Variants in EXD3 observed in about 807,000 individuals in gnomAD.
EXD3 encodes the protein exonuclease 3'-5' domain containing 3.
In EXD3, 92 loss-of-function variants were observed where a neutral mutation model predicts 98.0. That is an observed-to-expected ratio of 0.94 (90% CI 0.79 to 1.12). The LOEUF (loss-of-function observed/expected upper bound fraction) is 1.12. Among genes scored for constraint, EXD3 ranks in the 50% most tolerant of loss-of-function variants. EXD3 has a pLI of 0.00. For synonymous variants in EXD3, 569 were observed against 526.0 expected (o/e 1.08, Z -1.12); for missense variants, 1,222 against 1,191.6 (o/e 1.03, Z -0.38).
rs536767816 is a variant in EXD3, at chr9:137,397,406, T to C, written c.-47-2002A>G. Among the ~76,000 whole-genome samples the C allele has an allele frequency of 4.0e-4, 61 of 152,268 alleles. 1 individual carries two copies. The highest frequency in any genetic ancestry group is 3.4e-3 in the Middle Eastern group (1 of 294). On this transcript the variant is annotated intron_variant, in intron 1 of 21. Transcript: ENST00000340951. ...AAGTTCAAGGGACTCAGCCAGAAGC[T>C]GAACAGCCCACCGGAGCGAAAAACA...
chr9:137,323,914 C>A, intron 18 of EXD3, 58 bp from the exon 19 acceptor site: 1 of 1,547,570 alleles, frequency 6.5e-7, no homozygotes, highest in Non-Finnish European at 8.7e-7. Flanking sequence ...CCTGCCCAGG[C>A]CCAGCCCGCC....
At chr9:137,322,401 T>A (rs1199864386) in intron 19 of EXD3, among the ~76,000 whole-genome samples, 1 of 119,290 alleles carries the variant, frequency 8.4e-6, no homozygotes, top group Non-Finnish European at 1.7e-5. Context: ...TGCCAACATC[T>A]CACCCCAGAC....
intron 19 of EXD3, among the ~76,000 whole-genome samples, chr9:137,316,883 C>A (rs964205927): frequency 1.3e-5 from 2 of 152,182 alleles, no homozygotes; most frequent in Non-Finnish European, 2.9e-5. Flanking sequence ...GTTCAGCCCA[C>A]CCTGCTCTGG....
intron 10 of EXD3, chr9:137,353,969 C>T (rs992366818): frequency 5.1e-5 from 55 of 1,081,032 alleles, no homozygotes; most frequent in Middle Eastern, 4.1e-4. Flanking sequence ...GCGCTGGCAC[C>T]GGGCTGGGGG....
At chr9:137,369,071 G>T (rs1322784679) in intron 5 of EXD3, among the ~76,000 whole-genome samples, 2 of 145,556 alleles carry the variant, frequency 1.4e-5, no homozygotes, top group African/African-American at 5.1e-5. Flanking sequence ...CGGGGAGGGG[G>T]TCTCAGGGCC....
rs1266368591 is a variant in EXD3 at position 137,307,209 on chromosome 9, C to T, written c.2372G>A (p.Trp791Ter). ...CGCCCGCAGGTCAGCCATCTGCAGC[C>T]AGCGGCAGGGGCGGTCATAGGTGCA... is the stretch of plus-strand genomic sequence containing the variant. ...EGCTYDRPCR[W>*]LQMADLRAET... is the part of the protein sequence containing the mutation. The change falls in exon 22 of 22, where the codon TGG (tryptophan) becomes TAG (stop). Residue 791 changes from tryptophan (W) to a stop codon, truncating the protein, a stop_gained. Transcript: ENST00000340951. LOFTEE classifies it low-confidence loss of function (END_TRUNC). 5 of 1,583,120 alleles carry T rather than the reference C, an allele frequency of 3.2e-6. No individual in the cohort carries two copies. The highest frequency in any genetic ancestry group is 3.4e-6 in the Non-Finnish European group (4 of 1,165,730).
At chr9:137,356,216 G>T in intron 8 of EXD3, 52 bp downstream of exon 8, 2 of 1,393,280 alleles carry the variant, frequency 1.4e-6, no homozygotes, top group Non-Finnish European at 2.0e-6. Flanking sequence ...CCCTGGCCAC[G>T]CTTGGCGGCT....
chr9:137,354,298 C>G, intron 10 of EXD3, 41 bp downstream of exon 10: 4 of 1,608,776 alleles, frequency 2.5e-6, no homozygotes, highest in Non-Finnish European at 3.4e-6. Flanking sequence ...GACAGCCGCC[C>G]AGGCCGCCCT....
intron 2 of EXD3, among the ~76,000 whole-genome samples, chr9:137,390,119 CAAAAAAAAAA>C (rs34716316): frequency 0.027 from 637 of 23,376 alleles, 2 homozygotes; most frequent in African/African-American, 0.032. Flanking sequence ...GAGACTCTGT[CAAAAAAAAAA>C]AAAAAAAAAA....
At chr9:137,369,992 C>T (rs532719120) in intron 5 of EXD3, among the ~76,000 whole-genome samples, 2 of 152,320 alleles carry the variant, frequency 1.3e-5, no homozygotes, top group South Asian at 2.1e-4. Context: ...CATTTTGTAC[C>T]CGGAGCCCAG....
At position 137,309,654 on chromosome 9, in the gene EXD3, TTCA is replaced by T. The variant is rs1473421772; in HGVS notation, c.2228_2230del (p.Met743del). ...GTGACTGCTGAGCCACATGAGCTGC[TTCA>T]TCATGTCCCTGGAGACCTTTAGGTA... On this transcript the variant is annotated inframe_deletion, in exon 20 of 22. Coordinates refer to ENST00000340951, the MANE Select transcript of EXD3 (RefSeq NM_017820.5). The T allele has an allele frequency of 3.8e-6, 6 of 1,562,328 alleles. No individual in the cohort carries two copies. The highest frequency in any genetic ancestry group is 3.3e-4 in the Middle Eastern group (2 of 5,986).
intron 1 of EXD3, among the ~76,000 whole-genome samples, chr9:137,398,110 G>T (rs769892248): frequency 2.4e-4 from 37 of 152,246 alleles, no homozygotes; most frequent in Non-Finnish European, 4.7e-4. Flanking sequence ...CTTCACAGCA[G>T]GTGGATGGCA....
At chr9:137,419,955 C>T (rs7390690) in intron 1 of EXD3, among the ~76,000 whole-genome samples, 55,248 of 151,726 alleles carry the variant, frequency 0.36, 10,350 homozygotes, top group Admixed American at 0.43. Context: ...GTCAGGAGAT[C>T]GAGACCATCC....
intron 10 of EXD3, chr9:137,353,931 G>A: frequency 2.9e-6 from 3 of 1,026,012 alleles, no homozygotes; most frequent in Non-Finnish European, 3.5e-6. Flanking sequence ...CATTCTTCAG[G>A]ACGTCCGCTG....
In EXD3 at chr9:137,347,249, C is replaced by T. The variant is rs553343866; in HGVS notation, c.1998+822G>A. ...CTCATGGCTGAAATCACAGTGTTCG[C>T]GACGGCAGGCTCCTCTTAGGAGACT... is the stretch of plus-strand genomic sequence containing the variant. On this transcript the variant is annotated intron_variant, in intron 17 of 21. Coordinates refer to ENST00000340951, the MANE Select transcript of EXD3 (RefSeq NM_017820.5). This position sits in a 1 kb window ranked among gnomAD's most constrained non-coding sequence, Gnocchi z 4.2. 7.2e-5 allele frequency among the ~76,000 whole-genome samples: 11 copies of T among 152,306 alleles called. No individual in the cohort carries two copies. Among genetic ancestry groups the T allele is most frequent in the East Asian group, 3.9e-4 (2 of 5,184 alleles).
chr9:137,400,503 T>C (rs1256079847), intron 1 of EXD3, among the ~76,000 whole-genome samples: 1 of 152,124 alleles, frequency 6.6e-6, no homozygotes, highest in African/African-American at 2.4e-5. Context: ...TGGTGGCTCA[T>C]TCTTATAATC....
At chr9:137,354,595 C>T (rs536315380) in intron 9 of EXD3, 105 bp downstream of exon 9, 288 of 1,560,478 alleles carry the variant, frequency 1.8e-4, no homozygotes, top group Non-Finnish European at 2.4e-4. Context: ...GCAGCTCCTA[C>T]TTGATATGTC....
intron 19 of EXD3, among the ~76,000 whole-genome samples, chr9:137,316,687 G>A (rs1472343680): frequency 4.6e-5 from 7 of 152,240 alleles, no homozygotes; most frequent in Non-Finnish European, 1.0e-4. Context: ...AGGCTGCTCC[G>A]GGCTGCAGGG....
chr9:137,330,565 C>A (rs111228758), intron 17 of EXD3, among the ~76,000 whole-genome samples: 87 of 62,438 alleles, frequency 1.4e-3, no homozygotes, highest in Admixed American at 2.1e-3. Flanking sequence ...ACACAGGGCT[C>A]CACAGGAGCT....
Sources: gnomAD v4.1 joint callset for allele counts (sites outside exome capture counted in the v4.1 genomes callset) on GRCh38, gnomAD v4.1.1 for gene constraint, Gnocchi (gnomAD v3.1) non-coding constraint, MANE v1.5 for transcripts, NCBI Gene and HGNC (gene_info 2026-07-23, HGNC 2026-07-21) for gene names.